The following EML6 variants were observed in gnomAD, a reference collection of about 807,000 sequenced individuals.
EML6 encodes the protein echinoderm microtubule-associated protein-like 6.
In EML6, 154 loss-of-function variants were observed where a neutral mutation model predicts 240.1. That is an observed-to-expected ratio of 0.64 (90% CI 0.56 to 0.73). The LOEUF is 0.73. Among genes scored for constraint, EML6 ranks in the 30% least tolerant of loss-of-function variants. The probability of loss-of-function intolerance (pLI) is 0.00; values close to 1 mark genes in which losing one functional copy is unlikely to be tolerated. For missense variants in EML6, 2,964 were observed against 2,474.6 expected (o/e 1.20, Z -4.20); for synonymous variants, 1,148 against 899.0 (o/e 1.28, Z -4.95).
intron 2 of EML6, among the ~76,000 whole-genome samples, chr2:54,735,932 G>T (rs1432542757): frequency 3.9e-5 from 6 of 152,224 alleles, no homozygotes; most frequent in Non-Finnish European, 8.8e-5. Flanking sequence ...AAGACCCCTG[G>T]AGAAAGTGAC....
intron 2 of EML6, among the ~76,000 whole-genome samples, chr2:54,736,117 C>G (rs977478304): frequency 6.6e-6 from 1 of 152,022 alleles, no homozygotes; most frequent in Admixed American, 6.6e-5. Flanking sequence ...GAGGAGGGTA[C>G]GGTGGGAGAT....
chr2:54,865,560 C>T (rs1265185598), intron 13 of EML6, among the ~76,000 whole-genome samples: 33 of 152,154 alleles, frequency 2.2e-4, no homozygotes, highest in Admixed American at 2.2e-3. Flanking sequence ...CTGAATTCTC[C>T]AAAATCCAAA....
intron 25 of EML6, among the ~76,000 whole-genome samples, chr2:54,914,319 C>T (rs1159729114): frequency 6.6e-6 from 1 of 152,132 alleles, no homozygotes; most frequent in African/African-American, 2.4e-5. Flanking sequence ...ATGGCCTACA[C>T]CATGAAGCCT....
At chr2:54,962,776 G>A (rs1046610583) in intron 36 of EML6, 65 bp downstream of exon 36, 3 of 1,331,056 alleles carry the variant, frequency 2.3e-6, no homozygotes, top group Non-Finnish European at 2.0e-6. Flanking sequence ...GGAGCTGAGC[G>A]AGGAGAGGCC....
rs575621987 is a variant in EML6 at position 54,961,184 on chromosome 2, G to GTTTTTTTTTTTTTTTTTTTTTTTT, written c.4968+869_4968+870insTTTTTTTTTTTTTTTTTTTTTTTT. ...GGAGCCTGGAAGTTATCAGGAAGTA[G>GTTTTTTTTTTTTTTTTTTTTTTTT]TTTTTTTTTTTTTTTTTTTGAGACG... On this transcript the variant is annotated intron_variant, in intron 35 of 41. Coordinates refer to ENST00000356458, the MANE Select transcript of EML6 (RefSeq NM_001039753.4). 6.0e-4 allele frequency among the ~76,000 whole-genome samples: 33 copies of GTTTTTTTTTTTTTTTTTTTTTTTT among 55,404 alleles called. 1 individual carries two copies. The highest frequency in any genetic ancestry group is 1.1e-3 in the African/African-American group (14 of 12,366). The allele number at this position is 55,404 out of a possible 152,430, so 36.3% of individuals were successfully genotyped here. A position where few individuals can be genotyped will look rare whatever the true frequency, so the allele number is the denominator to read the frequency against.
At chr2:54,968,310 C>A (rs1240332878) in intron 40 of EML6, 29 bp downstream of exon 40, 2 of 1,549,956 alleles carry the variant, frequency 1.3e-6, no homozygotes, top group African/African-American at 2.7e-5. Flanking sequence ...AACCTCCCTG[C>A]AGGTTCTCTG....
At chr2:54,810,923 T>G (rs1174520676) in intron 2 of EML6, among the ~76,000 whole-genome samples, 1 of 152,190 alleles carries the variant, frequency 6.6e-6, no homozygotes, top group Non-Finnish European at 1.5e-5. Context: ...TTTCCCAGGA[T>G]CAGGCTCATA....
chr2:54,890,607 C>T (rs1286136382), intron 17 of EML6, among the ~76,000 whole-genome samples: 3 of 152,154 alleles, frequency 2.0e-5, no homozygotes, highest in Admixed American at 6.5e-5. Flanking sequence ...ACCCATTTAA[C>T]CCAGAGCAAT....
chr2:54,922,646 T>G (rs1674319748), intron 26 of EML6, among the ~76,000 whole-genome samples: 1 of 152,178 alleles, frequency 6.6e-6, no homozygotes, highest in Admixed American at 6.5e-5. Flanking sequence ...AACTGAAGTA[T>G]CTATCAACAA....
At chr2:54,899,119 C>T (rs746764400) in intron 21 of EML6, among the ~76,000 whole-genome samples, 2 of 152,166 alleles carry the variant, frequency 1.3e-5, no homozygotes, top group East Asian at 3.8e-4. Context: ...TACTTCTGCT[C>T]TGCCGAATGC....
At chr2:54,866,019 A>C (rs748182100) in intron 13 of EML6, among the ~76,000 whole-genome samples, 49 of 152,236 alleles carry the variant, frequency 3.2e-4, no homozygotes, top group Non-Finnish European at 1.6e-4. Context: ...GGTTAATTGC[A>C]TCTGTAGTAG....
At chr2:54,793,302 G>A (rs545346155) in intron 2 of EML6, among the ~76,000 whole-genome samples, 3 of 151,044 alleles carry the variant, frequency 2.0e-5, no homozygotes, top group African/African-American at 7.3e-5. Context: ...TTGCAGGGCA[G>A]TAGAGGGGAG....
At chr2:54,968,035 C>T in intron 39 of EML6, 93 bp from the exon 40 acceptor site, 4 of 1,258,186 alleles carry the variant, frequency 3.2e-6, no homozygotes, top group East Asian at 2.5e-5. Flanking sequence ...GTTAAACATC[C>T]CTCTCTTCCT....
rs1452484415 is a variant in EML6 at position 54,911,084 on chromosome 2, G to T, written c.3498+42G>T. ...AAGATTTTTAAAGATATTTTGTGAA[G>T]ATTTAATATGTGCATTTTAATAAAA... On this transcript the variant is annotated intron_variant, in intron 25 of 41. Transcript: ENST00000356458. 4.0e-6 allele frequency: 4 copies of T among 1,004,406 alleles called. No individual in the cohort carries two copies. In the East Asian group the frequency reaches 7.9e-5, roughly 20 times the overall value. 62.2% of individuals were successfully genotyped at this position (1,004,406 alleles called of 1,614,324 possible).
chr2:54,854,760 A>G (rs1283821842), intron 11 of EML6, among the ~76,000 whole-genome samples: 2 of 152,268 alleles, frequency 1.3e-5, no homozygotes, highest in African/African-American at 4.8e-5. Context: ...ACATCACAAA[A>G]TGACCATCCG....
chr2:54,964,379 A>G (rs1023697944), intron 37 of EML6, among the ~76,000 whole-genome samples, 192 bp from the exon 38 acceptor site: 3 of 152,262 alleles, frequency 2.0e-5, no homozygotes, highest in South Asian at 4.1e-4. Context: ...GTCATTCTAC[A>G]TATTTCCCGG....
At chr2:54,884,657 T>G (rs1214935296) in intron 17 of EML6, among the ~76,000 whole-genome samples, 1 of 152,204 alleles carries the variant, frequency 6.6e-6, no homozygotes, top group African/African-American at 2.4e-5. Flanking sequence ...AGACCACATA[T>G]GTATTTTGTA....
Position 54,962,728 on chromosome 2 carries a change from C to G in EML6, c.5157+17C>G. On this transcript the variant is annotated intron_variant, in intron 36 of 41. Coordinates refer to ENST00000356458, the MANE Select transcript of EML6 (RefSeq NM_001039753.4). ...GCTGACAAGGTGAGGCCGACTCTGCCCAAACTCAGATGCCCACGAGTGGGC... is the reference window on the plus strand; with the variant it reads ...GCTGACAAGGTGAGGCCGACTCTGCGCAAACTCAGATGCCCACGAGTGGGC... 2 of 1,453,030 alleles carry G rather than the reference C, an allele frequency of 1.4e-6. No individual in the cohort carries two copies. Among genetic ancestry groups the G allele is most frequent in the Non-Finnish European group, 1.8e-6 (2 of 1,099,204 alleles). 90.0% of individuals were successfully genotyped at this position (1,453,030 alleles called of 1,614,324 possible). A position where few individuals can be genotyped will look rare whatever the true frequency, so the allele number is the denominator to read the frequency against.
intron 28 of EML6, among the ~76,000 whole-genome samples, chr2:54,941,692 A>G (rs940308292): frequency 2.0e-5 from 3 of 152,248 alleles, no homozygotes; most frequent in Non-Finnish European, 4.4e-5. Flanking sequence ...GAGTTGGTAC[A>G]GAGATCTGCA....
Sources: gnomAD v4.1 joint callset for allele counts (sites outside exome capture counted in the v4.1 genomes callset) on GRCh38, gnomAD v4.1.1 for gene constraint, MANE v1.5 for transcripts, NCBI Gene and HGNC (gene_info 2026-07-23, HGNC 2026-07-21) for gene names.